MACROD2: variants seen among roughly 807,000 people sequenced by gnomAD.
MACROD2 encodes the protein ADP-ribose glycohydrolase MACROD2.
A neutral mutation model predicts 70.4 loss-of-function variants in MACROD2; 36 were observed. That is an observed-to-expected ratio of 0.51 (90% confidence interval 0.39 to 0.68). The LOEUF (loss-of-function observed/expected upper bound fraction) is 0.68. Ranked by LOEUF, MACROD2 falls within the 30% of genes least tolerant of loss-of-function variation. The probability of loss-of-function intolerance (pLI) is 0.00; values close to 1 mark genes in which losing one functional copy is unlikely to be tolerated. For missense variants in MACROD2, 496 were observed against 538.4 expected (o/e 0.92, Z 0.78); for synonymous variants, 172 against 178.8 (o/e 0.96, Z 0.30).
chr20:14,860,548 C>G (rs1422411000), intron 5 of MACROD2, among the ~76,000 whole-genome samples: 1 of 152,122 alleles, frequency 6.6e-6, no homozygotes, highest in African/African-American at 2.4e-5. Context: ...TGATCTGGGA[C>G]TCCTCCGGGT....
At chr20:14,219,770 A>T (rs1438680760) in intron 3 of MACROD2, among the ~76,000 whole-genome samples, 1 of 152,060 alleles carries the variant, frequency 6.6e-6, no homozygotes, top group African/African-American at 2.4e-5. Flanking sequence ...GCTTCATGTG[A>T]GCCAAACTGC....
chr20:15,485,930 TTAC>T (rs1425775684), intron 7 of MACROD2, among the ~76,000 whole-genome samples: 1 of 152,184 alleles, frequency 6.6e-6, no homozygotes, highest in Non-Finnish European at 1.5e-5. Context: ...TCGCAGTCGA[TTAC>T]TCAGGTCATT....
At chr20:15,691,061 G>A (rs1333866008) in intron 8 of MACROD2, among the ~76,000 whole-genome samples, 2 of 152,106 alleles carry the variant, frequency 1.3e-5, no homozygotes, top group Non-Finnish European at 2.9e-5. Flanking sequence ...GTAGTGAGTG[G>A]GATTGACAGA....
chr20:15,750,436 T>C (rs757009369), intron 8 of MACROD2, among the ~76,000 whole-genome samples: 7 of 151,990 alleles, frequency 4.6e-5, no homozygotes, highest in Non-Finnish European at 4.4e-5. Context: ...GTTTTCATAA[T>C]TTTAATTTGA....
chr20:14,149,507 G>C (rs1038313242), intron 3 of MACROD2, among the ~76,000 whole-genome samples: 1 of 152,182 alleles, frequency 6.6e-6, no homozygotes, highest in Non-Finnish European at 1.5e-5. Context: ...TATATACCCA[G>C]TAATGAGATT....
At chr20:14,512,230 G>T (rs1304206665) in intron 4 of MACROD2, among the ~76,000 whole-genome samples, 1 of 152,158 alleles carries the variant, frequency 6.6e-6, no homozygotes, top group South Asian at 2.1e-4. Flanking sequence ...ACTTGAGAGT[G>T]ATTTGTAGGA....
chr20:15,569,434 A>G (rs1378380007), intron 8 of MACROD2, among the ~76,000 whole-genome samples: 1 of 152,132 alleles, frequency 6.6e-6, no homozygotes, highest in Admixed American at 6.6e-5. Context: ...TTTTTTAAGA[A>G]TACAATCTGT....
At chr20:14,886,061 A>C (rs1357092968) in intron 5 of MACROD2, among the ~76,000 whole-genome samples, 1 of 152,214 alleles carries the variant, frequency 6.6e-6, no homozygotes, top group African/African-American at 2.4e-5. Context: ...TTAGATAATG[A>C]TAACAGCTGA....
chr20:14,260,291 A>G (rs888579991), intron 3 of MACROD2, among the ~76,000 whole-genome samples: 3 of 152,316 alleles, frequency 2.0e-5, no homozygotes, highest in Non-Finnish European at 4.4e-5. Context: ...AAAATGAACT[A>G]TGGTTAAACA....
At position 14,713,688 on chromosome 20, in the gene MACROD2, T is replaced by C. The variant is rs192140098; in HGVS notation, c.418+28729T>C. On this transcript the variant is annotated intron_variant, in intron 5 of 17. Transcript: ENST00000684519. ...GTGCTGAGAAAGGCACAGAAAAATA[T>C]ACAATAGGGCACTTGCCACCAGTGC... 5.9e-5 allele frequency among the ~76,000 whole-genome samples: 9 copies of C among 152,298 alleles called. No individual in the cohort carries two copies. The East Asian group carries it at 1.7e-3, about 29-fold the overall frequency.
intron 5 of MACROD2, among the ~76,000 whole-genome samples, chr20:14,705,729 C>A (rs531202962): frequency 6.6e-6 from 1 of 152,242 alleles, no homozygotes; most frequent in African/African-American, 2.4e-5. Context: ...CTAATAAGGA[C>A]TTTAATTCTA....
intron 13 of MACROD2, 85 bp from the exon 14 acceptor site, chr20:15,986,632 CATGCATGATT>C: frequency 1.2e-5 from 10 of 837,060 alleles, no homozygotes; most frequent in Non-Finnish European, 1.5e-5. Flanking sequence ...TCTATCTCTC[CATGCATGATT>C]AAAGCACGGT....
rs189009974 is a variant in MACROD2, at chr20:15,668,358, G to A, written c.645+168511G>A. 6.8e-3 allele frequency among the ~76,000 whole-genome samples: 1,026 copies of A among 150,372 alleles called. 11 individuals are homozygous for A. The highest frequency in any genetic ancestry group is 0.024 in the African/African-American group (971 of 40,958). ...CAAGGCAGGCAGATCACCTGAGGTC[G>A]GGGGTTCAAGACCAGCCTGACCAAC... is the stretch of plus-strand genomic sequence containing the variant. On this transcript the variant is annotated intron_variant, in intron 8 of 17. Transcript: ENST00000684519.
chr20:14,555,812 A>C (rs923009910), intron 4 of MACROD2, among the ~76,000 whole-genome samples: 7 of 151,900 alleles, frequency 4.6e-5, no homozygotes, highest in Admixed American at 2.6e-4. Flanking sequence ...TTATTAGTAC[A>C]TTTTCTTTTG....
intron 3 of MACROD2, among the ~76,000 whole-genome samples, chr20:14,213,595 T>C (rs1225124309): frequency 6.6e-6 from 1 of 151,926 alleles, no homozygotes; most frequent in Non-Finnish European, 1.5e-5. Flanking sequence ...TACCGGGATA[T>C]AGCTTCAATA....
At chr20:14,144,297 A>T (rs187191016) in intron 3 of MACROD2, among the ~76,000 whole-genome samples, 1 of 152,236 alleles carries the variant, frequency 6.6e-6, no homozygotes, top group African/African-American at 2.4e-5. Context: ...AAATTTGTCA[A>T]TCACCGCTTT....
intron 8 of MACROD2, among the ~76,000 whole-genome samples, chr20:15,777,681 G>T (rs1478383311): frequency 7.1e-6 from 1 of 141,438 alleles, no homozygotes; most frequent in African/African-American, 2.7e-5. Context: ...GTCTCACTCT[G>T]TTGCCCAGAC....
intron 5 of MACROD2, among the ~76,000 whole-genome samples, chr20:14,715,114 C>A (rs867774240): frequency 1.3e-5 from 2 of 152,114 alleles, no homozygotes; most frequent in Non-Finnish European, 2.9e-5. Context: ...CCTCAGGAAA[C>A]TTACAATCAT....
Position 15,987,110 on chromosome 20 carries a change from G to T in MACROD2, c.1105G>T (p.Glu369Ter). The T allele has an allele frequency of 2.5e-6, 4 of 1,612,496 alleles. No individual in the cohort carries two copies. Among genetic ancestry groups the T allele is most frequent in the Non-Finnish European group, 3.4e-6 (4 of 1,179,658 alleles). The change falls in exon 15 of 18, where the codon GAA becomes TAA. Residue 369 changes from glutamate (E) to a stop codon, truncating the protein, a stop_gained. Coordinates refer to ENST00000684519, the MANE Select transcript of MACROD2 (RefSeq NM_001351661.2). LOFTEE classifies it high-confidence loss of function. Reference sequence around the variant, plus strand: ...AGATGCCGTGATTGTGGAGCAACCAGAAGTGATTCCATTAACAGAGGACCA... The same window carrying T: ...AGATGCCGTGATTGTGGAGCAACCATAAGTGATTCCATTAACAGAGGACCA... ...QEDAVIVEQPEVIPLTEDQEE... is the reference protein window; with the variant it reads ...QEDAVIVEQP
Sources: gnomAD v4.1 joint callset for allele counts (sites outside exome capture counted in the v4.1 genomes callset) on GRCh38, gnomAD v4.1.1 for gene constraint, MANE v1.5 for transcripts, NCBI Gene and HGNC (gene_info 2026-07-23, HGNC 2026-07-21) for gene names.